Variants in SHMT1 observed in about 807,000 individuals in gnomAD.
SHMT1 encodes the protein serine hydroxymethyltransferase, cytosolic.
Under a neutral mutation model 49.0 loss-of-function variants are expected in SHMT1, and 45 were observed. That is an observed-to-expected ratio of 0.92 (90% confidence interval 0.72 to 1.18). The LOEUF is 1.18. Ranked by LOEUF, SHMT1 falls within the 50% of genes most tolerant of loss-of-function variation. The pLI, the probability that SHMT1 is intolerant of heterozygous loss-of-function variation, is 0.00. For synonymous variants in SHMT1, 232 were observed against 246.6 expected (o/e 0.94, Z 0.55); for missense variants, 541 against 612.4 (o/e 0.88, Z 1.23).
chr17:18,335,042 T>C (rs1423674654), intron 8 of SHMT1, among the ~76,000 whole-genome samples: 4 of 152,224 alleles, frequency 2.6e-5, no homozygotes, highest in South Asian at 4.1e-4. Context: ...GGATAACTCT[T>C]GAGTCATCAC....
At chr17:18,333,703 C>CG (rs1983489111) in intron 8 of SHMT1, among the ~76,000 whole-genome samples, 1 of 152,072 alleles carries the variant, frequency 6.6e-6, no homozygotes, top group Non-Finnish European at 1.5e-5. Flanking sequence ...CTCCTGACCT[C>CG]AAGTGATCCG....
intron 7 of SHMT1, among the ~76,000 whole-genome samples, chr17:18,336,876 G>T (rs1484370539): frequency 6.6e-6 from 1 of 152,124 alleles, no homozygotes; most frequent in East Asian, 1.9e-4. Flanking sequence ...GGCCCGGGAA[G>T]TTGAAGTTGC....
intron 9 of SHMT1, chr17:18,332,554 A>T (rs1598015174): frequency 5.5e-6 from 1 of 182,028 alleles, no homozygotes; most frequent in East Asian, 1.4e-4. Flanking sequence ...CGGAGGACTG[A>T]GTATGCTGCC....
chr17:18,338,285 C>T (rs1984069432), intron 7 of SHMT1, among the ~76,000 whole-genome samples: 1 of 151,508 alleles, frequency 6.6e-6, no homozygotes, highest in African/African-American at 2.4e-5. Context: ...GTGAGGAGCC[C>T]CTCCGCCTGG....
intron 5 of SHMT1, among the ~76,000 whole-genome samples, chr17:18,345,207 T>G (rs773691351): frequency 2.0e-4 from 31 of 152,252 alleles, no homozygotes; most frequent in South Asian, 1.5e-3. Flanking sequence ...GCCTGCACAA[T>G]GTACATCAAA....
In SHMT1 at chr17:18,357,754, A is replaced by G. The variant is rs148949565; in HGVS notation, c.-19-1754T>C. On this transcript the variant is annotated intron_variant, in intron 1 of 11. Coordinates refer to ENST00000316694, the MANE Select transcript of SHMT1 (RefSeq NM_004169.5). ...CATGGCAACTCACACCTGTAACCCC[A>G]GCACTTTGGGAGGCCAGGAGTTCAA... 3.2e-3 allele frequency among the ~76,000 whole-genome samples: 483 copies of G among 152,124 alleles called. 4 individuals are homozygous for G. Among genetic ancestry groups the G allele is most frequent in the African/African-American group, 0.011 (452 of 41,514 alleles).
chr17:18,359,832 G>C (rs1309430249), intron 1 of SHMT1, among the ~76,000 whole-genome samples: 1 of 151,918 alleles, frequency 6.6e-6, no homozygotes, highest in Non-Finnish European at 1.5e-5. Context: ...TGTAATTCCA[G>C]CTACTCAGGA....
At chr17:18,348,692 T>G (rs1181609260) in intron 3 of SHMT1, 1 of 604,888 alleles carries the variant, frequency 1.7e-6, no homozygotes, top group East Asian at 3.8e-5. Flanking sequence ...GAGGGGGTTT[T>G]GGCTGGGAGA....
rs1487910229 is a variant in SHMT1 at position 18,333,246 on chromosome 17, TTA to T, written c.972_973del (p.Phe324LeufsTer16). On this transcript the variant is annotated frameshift_variant, in exon 9 of 12. Coordinates refer to ENST00000316694, the MANE Select transcript of SHMT1 (RefSeq NM_004169.5). LOFTEE classifies it high-confidence loss of function. ...GGCCACCACCTGGTGTTGATAAACT[TTA>T]AATTCCAGAGTCATAGCTTGCTTCA... is the stretch of plus-strand genomic sequence containing the variant. 6.2e-7 allele frequency: 1 copy of T among 1,613,682 alleles called. No homozygotes were observed. The highest frequency in any genetic ancestry group is 1.3e-5 in the African/African-American group (1 of 74,916).
intron 1 of SHMT1, among the ~76,000 whole-genome samples, chr17:18,359,706 G>A (rs947530054): frequency 6.6e-6 from 1 of 151,854 alleles, no homozygotes; most frequent in African/African-American, 2.4e-5. Flanking sequence ...CCAGCACTTT[G>A]GGAGGCCAAG....
In SHMT1 at chr17:18,328,394, G is replaced by C; in HGVS notation, c.*356C>G. The C allele has an allele frequency of 3.0e-6, 1 of 328,358 alleles. No individual in the cohort carries two copies. The highest frequency in any genetic ancestry group is 5.9e-6 in the Non-Finnish European group (1 of 170,210). The allele number at this position is 328,358 out of a possible 1,614,324, so 20.3% of individuals were successfully genotyped here. On this transcript the variant is annotated 3_prime_UTR_variant, in exon 12 of 12. Transcript: ENST00000316694. ...CTCTGTTGCAGCAAGGCGGAGGAAAGCCCAGGGAGAGTAAAACGCTACAAT... is the reference window on the plus strand; with the variant it reads ...CTCTGTTGCAGCAAGGCGGAGGAAACCCCAGGGAGAGTAAAACGCTACAAT...
Position 18,328,693 on chromosome 17 carries a change from C to A in SHMT1, c.*57G>T. The A allele has an allele frequency of 1.3e-6, 2 of 1,541,072 alleles. No individual in the cohort carries two copies. The highest frequency in any genetic ancestry group is 1.2e-5 in the South Asian group (1 of 83,934). ...GCTCATCCATCTCTCAGGTGGGGGT[C>A]CTCCGGCAGGCAGCTTCCTCTGTGG... On this transcript the variant is annotated 3_prime_UTR_variant, in exon 12 of 12. Coordinates refer to ENST00000316694, the MANE Select transcript of SHMT1 (RefSeq NM_004169.5).
In SHMT1 at chr17:18,355,877, A is replaced by C; in HGVS notation, c.96+9T>G. ...ATAAAAAAATCTGTGAAGACCCCAA[A>C]AATCTCACCTCAACATCACTGTCTT... is the stretch of plus-strand genomic sequence containing the variant. On this transcript the variant is annotated intron_variant, in intron 2 of 11. Transcript: ENST00000316694. 1 of 1,603,438 alleles carries C rather than the reference A, an allele frequency of 6.2e-7. No homozygotes were observed.
chr17:18,335,545 A>C lies in SHMT1; in HGVS notation c.931+14T>G. 6.4e-7 allele frequency: 1 copy of C among 1,554,812 alleles called. No homozygotes were observed. Among genetic ancestry groups the C allele is most frequent in the Non-Finnish European group, 8.9e-7 (1 of 1,126,970 alleles). ...TAGGGGCTACAGGATGAGCAGAGGC[A>C]GATGATGTTTTACCAGCAATGGCGT... On this transcript the variant is annotated intron_variant, in intron 8 of 11. Transcript: ENST00000316694.
intron 2 of SHMT1, 43 bp from the exon 3 acceptor site, chr17:18,353,860 T>A (rs1463549865): frequency 7.5e-6 from 12 of 1,598,732 alleles, no homozygotes; most frequent in Non-Finnish European, 1.0e-5. Context: ...GAAATTTTAG[T>A]TTAAAATTTT....
At chr17:18,332,139 T>C (rs891757696) in intron 9 of SHMT1, 5 of 152,052 alleles carry the variant, frequency 3.3e-5, no homozygotes, top group African/African-American at 7.2e-5. Context: ...GGCCCGGAGG[T>C]TGGGGACTCC....
At position 18,339,923 on chromosome 17, in the gene SHMT1, C is replaced by A. The variant is rs1449327785; in HGVS notation, c.814+120G>T. ...AAGCAGCTCTTTAAGGGACTGGGAT[C>A]TTAATATTTTCCAAGGATCCCAGGT... On this transcript the variant is annotated intron_variant, in intron 7 of 11. Transcript: ENST00000316694. The A allele has an allele frequency of 1.8e-5, 18 of 1,001,334 alleles. No homozygotes were observed. In the East Asian group the frequency reaches 4.7e-4, roughly 26 times the overall value. The allele number at this position is 1,001,334 out of a possible 1,614,324, so 62.0% of individuals were successfully genotyped here. A position where few individuals can be genotyped will look rare whatever the true frequency, so the allele number is the denominator to read the frequency against.
intron 1 of SHMT1, among the ~76,000 whole-genome samples, chr17:18,356,934 C>G (rs1986291508): frequency 6.6e-6 from 1 of 152,068 alleles, no homozygotes; most frequent in Non-Finnish European, 1.5e-5. Context: ...AAGGTAAGGA[C>G]TGAGTGCTAC....
chr17:18,330,862 A>C lies in SHMT1; in HGVS notation c.1055-191T>G, dbSNP rs1005611408. 3 of 642,024 alleles carry C rather than the reference A, an allele frequency of 4.7e-6. No homozygotes were observed. The African/African-American group carries it at 5.4e-5, about 11-fold the overall frequency. 39.8% of individuals were successfully genotyped at this position (642,024 alleles called of 1,614,324 possible). A position where few individuals can be genotyped will look rare whatever the true frequency, so the allele number is the denominator to read the frequency against. On this transcript the variant is annotated intron_variant, in intron 9 of 11. Transcript: ENST00000316694. ...CCTAAGAATGTGAAAGGAAGGACAG[A>C]GCACTTTTGAAAGGGGTAACTGATC...
Sources: gnomAD v4.1 joint callset for allele counts (sites outside exome capture counted in the v4.1 genomes callset) on GRCh38, gnomAD v4.1.1 for gene constraint, MANE v1.5 for transcripts, NCBI Gene and HGNC (gene_info 2026-07-23, HGNC 2026-07-21) for gene names.